The following PPP2R2D variants were observed in gnomAD, a reference collection of about 807,000 sequenced individuals.
PPP2R2D encodes the protein protein phosphatase 2 regulatory subunit Bdelta, also known as serine/threonine-protein phosphatase 2A 55 kDa regulatory subunit B delta isoform.
Under a neutral mutation model 31.1 loss-of-function variants are expected in PPP2R2D, and 9 were observed. The observed-to-expected ratio is 0.29, with a 90% CI of 0.17 to 0.51. The LOEUF is 0.51. Ranked by LOEUF, PPP2R2D falls within the 20% of genes least tolerant of loss-of-function variation. PPP2R2D has a pLI of 0.98. For missense variants in PPP2R2D, 391 were observed against 465.6 expected (o/e 0.84, Z 1.48); for synonymous variants, 179 against 172.6 (o/e 1.04, Z -0.29).
chr10:131,971,201 G>T, the PPP2R2D span: 4 of 547,722 alleles, frequency 7.3e-6, no homozygotes, highest in Non-Finnish European at 1.3e-5. Context: ...GATCACCTCT[G>T]GGGGAGCCCC....
At chr10:131,902,073 A>T (rs2035509475) in intron 2 of PPP2R2D, among the ~76,000 whole-genome samples, 1 of 151,972 alleles carries the variant, frequency 6.6e-6, no homozygotes, top group Non-Finnish European at 1.5e-5. Flanking sequence ...AGTGCCTCCC[A>T]CCCCAGCTTC....
At chr10:131,939,836 G>C (rs2119838059) in intron 3 of PPP2R2D, 195 bp from the exon 4 acceptor site, 1 of 355,054 alleles carries the variant, frequency 2.8e-6, no homozygotes, top group Non-Finnish European at 5.0e-6. Context: ...ATACCTAGAA[G>C]TGGAGTCGAA....
the PPP2R2D span, chr10:131,971,050 A>G: frequency 7.7e-7 from 1 of 1,291,448 alleles, no homozygotes; most frequent in East Asian, 2.4e-5. Context: ...CCCGAGCTTC[A>G]GATCCGCAGG....
rs1327689588 is a variant in PPP2R2D, at chr10:131,957,028, T to C, written c.*1065T>C. On this transcript the variant is annotated 3_prime_UTR_variant, in exon 9 of 9. Transcript: ENST00000455566. Reference sequence around the variant, plus strand: ...CCAGTACGTTGGTTTATTTTCAAAGTAGGATCTTTGATACCAGAAATCAAG... The same window carrying C: ...CCAGTACGTTGGTTTATTTTCAAAGCAGGATCTTTGATACCAGAAATCAAG... 6.6e-6 allele frequency: 1 copy of C among 152,298 alleles called. No homozygotes were observed. The highest frequency in any genetic ancestry group is 2.4e-5 in the African/African-American group (1 of 41,478). The allele number at this position is 152,298 out of a possible 1,614,324, so 9.4% of individuals were successfully genotyped here. A position where few individuals can be genotyped will look rare whatever the true frequency, so the allele number is the denominator to read the frequency against.
intron 2 of PPP2R2D, among the ~76,000 whole-genome samples, chr10:131,907,824 C>T (rs1201276932): frequency 4.0e-5 from 6 of 151,784 alleles, no homozygotes; most frequent in African/African-American, 1.2e-4. Flanking sequence ...GCCTGGTCAT[C>T]GTTACATCGT....
Position 131,945,517 on chromosome 10 carries a change from T to C in PPP2R2D, c.820+58T>C. The C allele has an allele frequency of 6.5e-7, 1 of 1,537,016 alleles. No homozygotes were observed. Among genetic ancestry groups the C allele is most frequent in the Non-Finnish European group, 8.8e-7 (1 of 1,135,106 alleles). On this transcript the variant is annotated intron_variant, in intron 7 of 8. Transcript: ENST00000455566. The surrounding 1 kb of genome is among the most constrained non-coding windows in gnomAD (Gnocchi z 4.8). ...CTCTGTCACCCAGGCTGCGGTGCAG[T>C]GACACAGTCTCGGCTCACGGCAAGC...
intron 8 of PPP2R2D, among the ~76,000 whole-genome samples, chr10:131,949,239 G>A (rs1438198164): frequency 3.3e-5 from 5 of 152,200 alleles, no homozygotes; most frequent in South Asian, 2.1e-4. Context: ...ACTTGAGGCC[G>A]TGGCTGATGC....
intron 5 of PPP2R2D, among the ~76,000 whole-genome samples, chr10:131,941,422 G>T (rs1288418189): frequency 6.6e-6 from 1 of 152,184 alleles, no homozygotes; most frequent in Admixed American, 6.5e-5. Context: ...GAGCCCAGGT[G>T]TGTCTTGGTG....
the PPP2R2D span, chr10:131,971,295 A>C: frequency 1.7e-5 from 6 of 343,398 alleles, no homozygotes; most frequent in Non-Finnish European, 2.7e-5. Context: ...AAGTCACGTG[A>C]CATGAGGGCA....
At position 131,955,581 on chromosome 10, in the gene PPP2R2D, TG is replaced by T. The variant is rs1589965807; in HGVS notation, c.1083-98del. On this transcript the variant is annotated intron_variant, in intron 8 of 8. Coordinates refer to ENST00000455566, the MANE Select transcript of PPP2R2D (RefSeq NM_018461.5). ...CTGATTTCTGAAAGTAACTGGGTTG[TG>T]GGGGAGGGTGGCGTGCGCTGTGCAC... is the stretch of plus-strand genomic sequence containing the variant. 2.1e-5 allele frequency: 21 copies of T among 1,015,970 alleles called. No homozygotes were observed. The East Asian group carries it at 6.0e-4, about 29-fold the overall frequency. The allele number at this position is 1,015,970 out of a possible 1,614,324, so 62.9% of individuals were successfully genotyped here. A position where few individuals can be genotyped will look rare whatever the true frequency, so the allele number is the denominator to read the frequency against.
At chr10:131,970,441 G>A in the PPP2R2D span, 2 of 714,264 alleles carry the variant, frequency 2.8e-6, no homozygotes, top group Non-Finnish European at 2.3e-6. The surrounding 1 kb of genome is among the most constrained non-coding windows in gnomAD (Gnocchi z 4.1). Context: ...GCACCACAGG[G>A]CGCCTGTGCT....
chr10:131,964,719 G>A (rs922392201), downstream of PPP2R2D, among the ~76,000 whole-genome samples: 1 of 144,474 alleles, frequency 6.9e-6, no homozygotes, highest in Admixed American at 7.2e-5. Context: ...ACCCCGAATG[G>A]TGTTCTCTGG....
chr10:131,963,715 T>C (rs574943883), downstream of PPP2R2D, among the ~76,000 whole-genome samples: 28 of 152,106 alleles, frequency 1.8e-4, no homozygotes, highest in South Asian at 4.1e-3. Context: ...GGGACCACAC[T>C]TTTTTTTTCT....
At chr10:131,907,693 A>C (rs1456440606) in intron 2 of PPP2R2D, among the ~76,000 whole-genome samples, 2 of 151,584 alleles carry the variant, frequency 1.3e-5, no homozygotes, top group African/African-American at 4.8e-5. Flanking sequence ...CAGTGAGCGG[A>C]GATCACGCCA....
In PPP2R2D at chr10:131,920,675, C is replaced by T. The variant is rs184747047; in HGVS notation, c.101-13783C>T. On this transcript the variant is annotated intron_variant, in intron 2 of 8. Transcript: ENST00000455566. Reference sequence around the variant, plus strand: ...GGGCACAGTATCTCACGCCTGTAATCCCAGCACTTTGGGAGGCTGAGGTGA... The same window carrying T: ...GGGCACAGTATCTCACGCCTGTAATTCCAGCACTTTGGGAGGCTGAGGTGA... Among the ~76,000 whole-genome samples, 218 of 152,298 alleles carry T rather than the reference C, an allele frequency of 1.4e-3. 1 individual carries two copies. Among genetic ancestry groups the T allele is most frequent in the Middle Eastern group, 6.8e-3 (2 of 294 alleles).
Position 131,940,165 on chromosome 10 carries a change from G to C in PPP2R2D, c.333G>C (p.Gln111His). 1 of 766,548 alleles carries C rather than the reference G, an allele frequency of 1.3e-6. No homozygotes were observed. Among genetic ancestry groups the C allele is most frequent in the Non-Finnish European group, 2.4e-6 (1 of 412,978 alleles). The allele number at this position is 766,548 out of a possible 1,614,324, so 47.5% of individuals were successfully genotyped here. Residue 111 changes from glutamine to histidine, a missense_variant, in exon 4 of 9, where the codon CAG (glutamine) becomes CAC (histidine). By Grantham distance (24) the Gln-to-His change is conservative (BLOSUM62 0). Around this residue, in one of 3 missense-constraint regions of PPP2R2D, gnomAD observed 105 missense variants for 98.5 expected, o/e 1.07. Transcript: ENST00000455566. ...KINKIRWLPQ[Q>H]NAAHFLLSTN... ...ATAAAATTAGGTGGTTACCACAACA[G>C]AATGCTGCTCATTTTCTACTGTCTA...
At chr10:131,926,867 G>A (rs2036116716) in intron 2 of PPP2R2D, among the ~76,000 whole-genome samples, 1 of 152,234 alleles carries the variant, frequency 6.6e-6, no homozygotes, top group South Asian at 2.1e-4. Context: ...AAGTGATTGG[G>A]TGGGTAATGG....
At chr10:131,923,393 C>G (rs1280313605) in intron 2 of PPP2R2D, among the ~76,000 whole-genome samples, 1 of 152,204 alleles carries the variant, frequency 6.6e-6, no homozygotes, top group Non-Finnish European at 1.5e-5. Flanking sequence ...TTGGCTCTTT[C>G]AAATGCACCT....
intron 2 of PPP2R2D, among the ~76,000 whole-genome samples, chr10:131,909,625 A>C (rs1425289855): frequency 6.6e-6 from 1 of 152,238 alleles, no homozygotes; most frequent in East Asian, 1.9e-4. Context: ...CCACAGGAGC[A>C]TGCCTACAGA....
Sources: gnomAD v4.1 joint callset for allele counts (sites outside exome capture counted in the v4.1 genomes callset) on GRCh38, gnomAD v4.1.1 for gene constraint, gnomAD v4.1.1 regional missense constraint, Gnocchi (gnomAD v3.1) non-coding constraint, MANE v1.5 for transcripts, NCBI Gene and HGNC (gene_info 2026-07-23, HGNC 2026-07-21) for gene names.